The following FKTN variants were observed in gnomAD, a reference collection of about 807,000 sequenced individuals.
FKTN encodes ribitol-5-phosphate transferase FKTN.
In FKTN, 47 loss-of-function variants were observed where a neutral mutation model predicts 58.6. The ratio of observed to expected loss-of-function variants is 0.80; its 90% CI spans 0.63 to 1.02. The LOEUF (loss-of-function observed/expected upper bound fraction) is 1.02, where lower values mean the gene tolerates loss of function less well. FKTN is among the 50% of genes least tolerant of loss of function. FKTN has a pLI of 0.00. For missense variants in FKTN, 516 were observed against 537.3 expected (o/e 0.96, Z 0.39); for synonymous variants, 178 against 191.9 (o/e 0.93, Z 0.60).
At chr9:105,589,259 A>T (rs1179060450) in intron 3 of FKTN, among the ~76,000 whole-genome samples, 2 of 152,232 alleles carry the variant, frequency 1.3e-5, no homozygotes, top group East Asian at 3.9e-4. Flanking sequence ...GCATTTTTGG[A>T]GGCCGAGGTG....
intron 3 of FKTN, among the ~76,000 whole-genome samples, chr9:105,584,077 C>T (rs903787013): frequency 3.9e-5 from 6 of 152,266 alleles, no homozygotes; most frequent in Middle Eastern, 3.4e-3. Context: ...TGCTTATTAG[C>T]TGTGGGATCT....
At chr9:105,630,030 A>G (rs113522808) in intron 10 of FKTN, among the ~76,000 whole-genome samples, 5 of 152,020 alleles carry the variant, frequency 3.3e-5, no homozygotes, top group East Asian at 1.9e-4. Flanking sequence ...ACATCACACA[A>G]TCACACACTG....
In FKTN at chr9:105,601,291, C is replaced by T; in HGVS notation, c.312C>T (p.Phe104=). ...GCTCTACTTCACAATGCAAGTTTTT[C>T]TGTGTTCCAAGAGACTTTACTGCAT... ...SHGSTSQCKF[F]CVPRDFTAFA... Residue 104 remains phenylalanine, a synonymous_variant, in exon 5 of 11, where the codon TTC becomes TTT. Transcript: ENST00000357998. 1 of 1,612,640 alleles carries T rather than the reference C, an allele frequency of 6.2e-7. No individual in the cohort carries two copies. The highest frequency in any genetic ancestry group is 8.5e-7 in the Non-Finnish European group (1 of 1,179,550).
At chr9:105,608,276 GA>G (rs1183888964) in intron 7 of FKTN, among the ~76,000 whole-genome samples, 1 of 152,156 alleles carries the variant, frequency 6.6e-6, no homozygotes, top group African/African-American at 2.4e-5. Flanking sequence ...GTCCAAGTAG[GA>G]TAAAGCCACT....
rs934879666 is a variant in FKTN, at chr9:105,636,180, C to A, written c.*916C>A. On this transcript the variant is annotated 3_prime_UTR_variant, in exon 11 of 11. Transcript: ENST00000357998. ...TTTCTGAATTTATAATCTGTGCACT[C>A]CCAATTTTAATGACACTAAAATATT... 2.2e-6 allele frequency: 2 copies of A among 897,906 alleles called. No individual in the cohort carries two copies. Among genetic ancestry groups the A allele is most frequent in the African/African-American group, 3.6e-5 (2 of 55,512 alleles). The allele number at this position is 897,906 out of a possible 1,614,324, so 55.6% of individuals were successfully genotyped here. A position where few individuals can be genotyped will look rare whatever the true frequency, so the allele number is the denominator to read the frequency against.
intron 3 of FKTN, among the ~76,000 whole-genome samples, chr9:105,575,480 A>C (rs1841494409): frequency 6.6e-6 from 1 of 152,206 alleles, no homozygotes; most frequent in African/African-American, 2.4e-5. Flanking sequence ...ATATATTTTA[A>C]TTTAGTACCT....
chr9:105,592,670 G>A (rs1845110532), intron 3 of FKTN, among the ~76,000 whole-genome samples: 1 of 152,152 alleles, frequency 6.6e-6, no homozygotes, highest in East Asian at 1.9e-4. Flanking sequence ...CTTCTTCCAG[G>A]TACCCTAAAC....
rs181763047 is a variant in FKTN at position 105,610,587 on chromosome 9, C to T, written c.780+2636C>T. On this transcript the variant is annotated intron_variant, in intron 7 of 10. Transcript: ENST00000357998. ...CTCACCCTACCTGGGCACTGCTATC[C>T]TCTGCTGGGCTGCACACACGTAGAG... Among the ~76,000 whole-genome samples the T allele has an allele frequency of 2.8e-3, 420 of 152,044 alleles. 2 individuals carry two copies. Among genetic ancestry groups the T allele is most frequent in the African/African-American group, 9.5e-3 (391 of 41,362 alleles).
At chr9:105,583,730 T>C (rs1437996098) in intron 3 of FKTN, among the ~76,000 whole-genome samples, 2 of 152,212 alleles carry the variant, frequency 1.3e-5, no homozygotes, top group African/African-American at 4.8e-5. Context: ...TGTCAAAATC[T>C]GTTTTCCTTA....
chr9:105,563,604 G>C (rs201078970), intron 1 of FKTN, among the ~76,000 whole-genome samples: 167 of 145,836 alleles, frequency 1.1e-3, no homozygotes, highest in Non-Finnish European at 2.2e-3. Context: ...AGGCTGGGGG[G>C]GGGGGCACCC....
chr9:105,617,990 T>C lies in FKTN; in HGVS notation c.942T>C (p.Tyr314=), dbSNP rs970907026. 3.1e-6 allele frequency: 5 copies of C among 1,589,300 alleles called. No homozygotes were observed. The highest frequency in any genetic ancestry group is 4.3e-6 in the Non-Finnish European group (5 of 1,157,602). The change falls in exon 9 of 11, where the codon TAT becomes TAC. Residue 314 remains tyrosine, a synonymous_variant. Coordinates refer to ENST00000357998, the MANE Select transcript of FKTN (RefSeq NM_001079802.2). ...ATCGACAATGCAACATTATTCCTTA[T>C]AGCAAAGATGTTGACCTAGGAATTT... ...GWYRQCNIIP[Y]SKDVDLGIFI...
chr9:105,627,944 G>T (rs1469921044), intron 10 of FKTN, among the ~76,000 whole-genome samples: 2 of 152,176 alleles, frequency 1.3e-5, no homozygotes, highest in African/African-American at 4.8e-5. Flanking sequence ...CTGGGTTGAT[G>T]ACTTGATCCA....
chr9:105,602,281 T>C (rs889210515), intron 5 of FKTN, among the ~76,000 whole-genome samples: 5 of 152,250 alleles, frequency 3.3e-5, no homozygotes, highest in African/African-American at 1.2e-4. Context: ...TTTTGGATTG[T>C]AGGATATCTA....
chr9:105,627,818 T>C (rs192691613), intron 10 of FKTN, among the ~76,000 whole-genome samples: 138 of 152,338 alleles, frequency 9.1e-4, no homozygotes, highest in Non-Finnish European at 1.7e-3. Flanking sequence ...TTCTATGTGA[T>C]AGATAAAATC....
intron 10 of FKTN, among the ~76,000 whole-genome samples, chr9:105,629,001 T>C (rs1049976729): frequency 6.6e-6 from 1 of 152,188 alleles, no homozygotes; most frequent in African/African-American, 2.4e-5. Context: ...GTTACACAGG[T>C]ATATACATTT....
rs1244187049 is a variant in FKTN, at chr9:105,637,299, C to T, written c.*2035C>T. Reference sequence around the variant, plus strand: ...TTTTCAGATTAATCTTTTATCCTTTCCTGAAGTACAAAGTCTTAAGAGTGT... The same window carrying T: ...TTTTCAGATTAATCTTTTATCCTTTTCTGAAGTACAAAGTCTTAAGAGTGT... On this transcript the variant is annotated 3_prime_UTR_variant, in exon 11 of 11. Transcript: ENST00000357998. 1 of 984,960 alleles carries T rather than the reference C, an allele frequency of 1.0e-6. No homozygotes were observed. The highest frequency in any genetic ancestry group is 1.7e-5 in the African/African-American group (1 of 57,192). 61.0% of individuals were successfully genotyped at this position (984,960 alleles called of 1,614,324 possible). A position where few individuals can be genotyped will look rare whatever the true frequency, so the allele number is the denominator to read the frequency against.
intron 1 of FKTN, among the ~76,000 whole-genome samples, chr9:105,570,711 G>C (rs537222353): frequency 6.6e-6 from 1 of 151,934 alleles, no homozygotes; most frequent in East Asian, 1.9e-4. Context: ...TTTGGCATCT[G>C]TGCCCATTAA....
chr9:105,589,301 C>A (rs1844437520), intron 3 of FKTN, among the ~76,000 whole-genome samples: 1 of 152,102 alleles, frequency 6.6e-6, no homozygotes, highest in Admixed American at 6.5e-5. Context: ...AGTTCGAGAC[C>A]AGCCTGGCTA....
chr9:105,628,389 T>C (rs756831618), intron 10 of FKTN, among the ~76,000 whole-genome samples: 1 of 152,236 alleles, frequency 6.6e-6, no homozygotes, highest in Admixed American at 6.5e-5. Context: ...TGTATACTTA[T>C]ACAATATGTA....
Sources: gnomAD v4.1 joint callset for allele counts (sites outside exome capture counted in the v4.1 genomes callset) on GRCh38, gnomAD v4.1.1 for gene constraint, MANE v1.5 for transcripts, NCBI Gene and HGNC (gene_info 2026-07-23, HGNC 2026-07-21) for gene names.